Variants in PPL observed in about 807,000 individuals in gnomAD.
The protein encoded by PPL is periplakin, also known as 190 kDa paraneoplastic pemphigus antigen.
A neutral mutation model predicts 194.4 loss-of-function variants in PPL; 198 were observed. That is an observed-to-expected ratio of 1.02 (90% confidence interval 0.91 to 1.15). PPL has a LOEUF of 1.15. Among genes scored for constraint, PPL ranks in the 50% most tolerant of loss-of-function variants. The pLI is 0.00. For missense variants in PPL, 2,885 were observed against 2,294.8 expected (o/e 1.26, Z -5.25); for synonymous variants, 1,220 against 972.4 (o/e 1.25, Z -4.74).
intron 2 of PPL, among the ~76,000 whole-genome samples, chr16:4,907,831 T>C (rs1397471791): frequency 6.6e-6 from 1 of 152,082 alleles, no homozygotes; most frequent in African/African-American, 2.4e-5. Flanking sequence ...CTTCAAAGCC[T>C]AGCTTCTTTT....
intron 2 of PPL, among the ~76,000 whole-genome samples, chr16:4,909,672 C>G (rs1320255931): frequency 6.6e-6 from 1 of 152,032 alleles, no homozygotes; most frequent in Non-Finnish European, 1.5e-5. Flanking sequence ...AGTGATCTAC[C>G]CACCTCGGCC....
intron 2 of PPL, among the ~76,000 whole-genome samples, chr16:4,908,233 T>C (rs561028272): frequency 6.7e-6 from 1 of 150,202 alleles, no homozygotes; most frequent in East Asian, 2.0e-4. Context: ...GGCTCATGCC[T>C]GTAAATCCCA....
intron 1 of PPL, among the ~76,000 whole-genome samples, chr16:4,914,837 G>A (rs2088888486): frequency 6.6e-6 from 1 of 152,096 alleles, no homozygotes; most frequent in Admixed American, 6.6e-5. Flanking sequence ...CAGGTCAGGG[G>A]TCCACCCGAC....
At position 4,925,044 on chromosome 16, in the gene PPL, A is replaced by T. The variant is rs546871953; in HGVS notation, c.62+11940T>A. On this transcript the variant is annotated intron_variant, in intron 1 of 21. Coordinates refer to ENST00000345988, the MANE Select transcript of PPL (RefSeq NM_002705.5). ...GCCAGGGCCACTGGCCTTTGATCAC[A>T]TCTGCAGTTCCTTCCTCTGGGGGTT... Among the ~76,000 whole-genome samples the T allele has an allele frequency of 2.6e-5, 4 of 152,068 alleles. 1 individual carries two copies. The South Asian group carries it at 8.3e-4, about 32-fold the overall frequency.
chr16:4,898,874 C>T (rs2088484736), intron 8 of PPL, 139 bp downstream of exon 8: 3 of 676,840 alleles, frequency 4.4e-6, no homozygotes, highest in East Asian at 5.4e-5. Flanking sequence ...TCAGACACAG[C>T]AAGAAAGAGA....
In PPL at chr16:4,893,196, T is replaced by C; in HGVS notation, c.1650+17A>G. On this transcript the variant is annotated intron_variant, in intron 14 of 21. Coordinates refer to ENST00000345988, the MANE Select transcript of PPL (RefSeq NM_002705.5). ...AGGGCTCCCCCGGCCCCACCTGTGCTCCTGACCCGCAGGTACCTTGAGGTC... is the reference window on the plus strand; with the variant it reads ...AGGGCTCCCCCGGCCCCACCTGTGCCCCTGACCCGCAGGTACCTTGAGGTC... 4.6e-6 allele frequency: 7 copies of C among 1,533,288 alleles called. No homozygotes were observed. Among genetic ancestry groups the C allele is most frequent in the Non-Finnish European group, 6.1e-6 (7 of 1,141,008 alleles). 95.0% of individuals were successfully genotyped at this position (1,533,288 alleles called of 1,614,324 possible). A position where few individuals can be genotyped will look rare whatever the true frequency, so the allele number is the denominator to read the frequency against.
chr16:4,884,547 C>T lies in PPL; in HGVS notation c.4108G>A (p.Ala1370Thr), dbSNP rs544642507. Residue 1370 changes from alanine to threonine, a missense_variant, in exon 22 of 22, where the codon GCC becomes ACC. By Grantham distance (58) the Ala-to-Thr change is moderately conservative (BLOSUM62 0). Coordinates refer to ENST00000345988, the MANE Select transcript of PPL (RefSeq NM_002705.5). The surrounding 1 kb of genome is among the most constrained non-coding windows in gnomAD (Gnocchi z 5.7). ...EEPGLRAEASAFAESIDVELR... is the reference protein window; with the variant it reads ...EEPGLRAEASTFAESIDVELR... ...TCCACATCGATGCTCTCGGCAAAGG[C>T]GCTCGCCTCGGCCCGCAGGCCTGGC... The T allele has an allele frequency of 2.5e-6, 4 of 1,613,444 alleles. No individual in the cohort carries two copies. The African/African-American group carries it at 4.0e-5, about 16-fold the overall frequency.
intron 1 of PPL, among the ~76,000 whole-genome samples, chr16:4,928,391 C>T (rs1054708434): frequency 1.3e-5 from 2 of 152,228 alleles, no homozygotes; most frequent in East Asian, 3.9e-4. Flanking sequence ...CTTACCCAGA[C>T]ACTTTGAGAG....
At chr16:4,923,648 T>C (rs2089098412) in intron 1 of PPL, among the ~76,000 whole-genome samples, 2 of 152,216 alleles carry the variant, frequency 1.3e-5, no homozygotes, top group Non-Finnish European at 2.9e-5. Context: ...GCAGGGAACG[T>C]AGCCTGTGTT....
intron 1 of PPL, among the ~76,000 whole-genome samples, chr16:4,927,642 C>T (rs2089176355): frequency 6.6e-6 from 1 of 152,244 alleles, no homozygotes; most frequent in Admixed American, 6.5e-5. Flanking sequence ...CTACTAGAAA[C>T]TCCTGTGCTA....
In PPL at chr16:4,884,157, C is replaced by G. The variant is rs754907729; in HGVS notation, c.4498G>C (p.Val1500Leu). The change falls in exon 22 of 22, where the codon GTG becomes CTG. Residue 1500 changes from valine to leucine, a missense_variant. Transcript: ENST00000345988. This position sits in a 1 kb window ranked among gnomAD's most constrained non-coding sequence, Gnocchi z 5.7. ...TCCACCTGGACACTCTCGGAGAGCA[C>G]CACCTTCTCCTTGACCTCCGCCTTC... ...LEKAEVKEKV[V>L]LSESVQVEKG... 4.3e-6 allele frequency: 7 copies of G among 1,613,790 alleles called. No individual in the cohort carries two copies. Among genetic ancestry groups the G allele is most frequent in the Middle Eastern group, 3.3e-4 (2 of 6,084 alleles).
At chr16:4,890,466 G>A (rs1251274388) in intron 17 of PPL, 132 bp from the exon 18 acceptor site, 2 of 1,244,424 alleles carry the variant, frequency 1.6e-6, no homozygotes, top group African/African-American at 1.5e-5. Flanking sequence ...CACACAGGGT[G>A]GGTGGTCATT....
chr16:4,885,222 G>A lies in PPL; in HGVS notation c.3433C>T (p.Arg1145Cys), dbSNP rs748701085. ...TCCGTCTTCTCCCTCTGGCTAGCGC[G>A]AGCCTTGGCAGCCTCGTCCTCATAT... ...RQYEDEAAKA[R>C]ASQREKTELL... The change falls in exon 22 of 22, where the codon CGC becomes TGC. Residue 1145 changes from arginine to cysteine, a missense_variant. By Grantham distance (180) the Arg-to-Cys change is radical. Transcript: ENST00000345988. The surrounding 1 kb of genome is among the most constrained non-coding windows in gnomAD (Gnocchi z 6.3). 20 of 1,613,730 alleles carry A rather than the reference G, an allele frequency of 1.2e-5. No individual in the cohort carries two copies. In the Admixed American group the frequency reaches 1.5e-4, roughly 12 times the overall value.
chr16:4,888,335 A>C, intron 19 of PPL, 117 bp from the exon 20 acceptor site: 1 of 707,752 alleles, frequency 1.4e-6, no homozygotes. Context: ...CTGGTTTTAT[A>C]ATCTGCGTGG....
intron 9 of PPL, 75 bp from the exon 10 acceptor site, chr16:4,895,791 T>G: frequency 6.2e-7 from 1 of 1,600,728 alleles, no homozygotes; most frequent in Middle Eastern, 1.7e-4. Context: ...GGCTTCAAGC[T>G]CATCCCTCAG....
intron 6 of PPL, among the ~76,000 whole-genome samples, chr16:4,899,687 A>G (rs2088516124): frequency 8.9e-6 from 1 of 112,984 alleles, no homozygotes; most frequent in Admixed American, 9.3e-5. Flanking sequence ...CAAAACCCTT[A>G]CGGAACTGAC....
chr16:4,918,118 C>T (rs2088962802), intron 1 of PPL, among the ~76,000 whole-genome samples: 1 of 151,780 alleles, frequency 6.6e-6, no homozygotes, highest in South Asian at 2.1e-4. Flanking sequence ...CATGGTGAAA[C>T]CTCGTCTCTA....
intron 1 of PPL, among the ~76,000 whole-genome samples, chr16:4,912,336 C>G (rs2088835230): frequency 6.6e-6 from 1 of 152,264 alleles, no homozygotes; most frequent in East Asian, 1.9e-4. Context: ...CTTCTCTCAG[C>G]ATAATGTTTT....
At chr16:4,914,845 G>A (rs886366156) in intron 1 of PPL, among the ~76,000 whole-genome samples, 3 of 152,120 alleles carry the variant, frequency 2.0e-5, no homozygotes, top group African/African-American at 2.4e-5. Context: ...GGGTCCACCC[G>A]ACTCCTCCCT....
Sources: allele counts gnomAD v4.1 joint callset (sites outside exome capture counted in the v4.1 genomes callset), GRCh38; gene constraint gnomAD v4.1.1; non-coding constraint Gnocchi (gnomAD v3.1); transcripts MANE v1.5; gene names NCBI Gene and HGNC (gene_info 2026-07-23, HGNC 2026-07-21).